RB1: variants seen among roughly 807,000 people sequenced by gnomAD.
RB1 encodes the protein retinoblastoma-associated protein.
A neutral mutation model predicts 135.4 loss-of-function variants in RB1; 18 were observed. The observed-to-expected ratio is 0.13, with a 90% CI of 0.09 to 0.20. The LOEUF (loss-of-function observed/expected upper bound fraction) is 0.20. Among genes scored for constraint, RB1 ranks in the 10% least tolerant of loss-of-function variants. RB1 has a pLI of 1.00. For missense variants in RB1, 868 were observed against 1,110.0 expected (o/e 0.78, Z 3.10); for synonymous variants, 365 against 373.2 (o/e 0.98, Z 0.25).
chr13:48,424,270 T>A (rs1391602431), intron 17 of RB1, among the ~76,000 whole-genome samples: 1 of 152,244 alleles, frequency 6.6e-6, no homozygotes, highest in East Asian at 1.9e-4. Flanking sequence ...ACCATAAGTC[T>A]ATCGGTATCA....
chr13:48,461,945 G>T (rs908244607), intron 20 of RB1, among the ~76,000 whole-genome samples: 3 of 152,046 alleles, frequency 2.0e-5, no homozygotes, highest in African/African-American at 7.2e-5. Flanking sequence ...CAATTCTTCT[G>T]CCTCAGCCTC....
intron 9 of RB1, among the ~76,000 whole-genome samples, chr13:48,366,743 G>T (rs1952703519): frequency 6.6e-6 from 1 of 152,190 alleles, no homozygotes; most frequent in Non-Finnish European, 1.5e-5. Context: ...GAACCAAAGG[G>T]TTTAGAAAAC....
At chr13:48,318,514 C>A in intron 2 of RB1, 2 of 1,015,568 alleles carry the variant, frequency 2.0e-6, no homozygotes, top group South Asian at 1.5e-5. Context: ...ATGCGAGTGT[C>A]GCCGGGCCCC....
At chr13:48,396,390 ATGGGGAAAGGAT>A (rs1198166456) in intron 17 of RB1, among the ~76,000 whole-genome samples, 1 of 152,186 alleles carries the variant, frequency 6.6e-6, no homozygotes, top group Non-Finnish European at 1.5e-5. Context: ...AAAACAACCA[ATGGGGAAAGGAT>A]TCCCTATTTA....
chr13:48,337,625 CT>C (rs1286754004), intron 2 of RB1, among the ~76,000 whole-genome samples: 1 of 152,136 alleles, frequency 6.6e-6, no homozygotes, highest in African/African-American at 2.4e-5. Flanking sequence ...GGTCTTGACT[CT>C]TTATCCAATT....
At chr13:48,447,067 A>T (rs1949293758) in intron 17 of RB1, among the ~76,000 whole-genome samples, 2 of 152,206 alleles carry the variant, frequency 1.3e-5, no homozygotes, top group South Asian at 4.1e-4. Flanking sequence ...TAATGAAAAG[A>T]AGTCAAACTT....
At chr13:48,364,360 C>G (rs1952672775) in intron 8 of RB1, among the ~76,000 whole-genome samples, 1 of 152,068 alleles carries the variant, frequency 6.6e-6, no homozygotes, top group Non-Finnish European at 1.5e-5. Context: ...GCTGCAGATG[C>G]CTGCTGTTTC....
chr13:48,343,488 C>A (rs1952465269), intron 3 of RB1, among the ~76,000 whole-genome samples: 1 of 151,992 alleles, frequency 6.6e-6, no homozygotes, highest in African/African-American at 2.4e-5. Context: ...AATGTGGAAA[C>A]AAAGGCCTTG....
At chr13:48,374,732 C>G (rs1952801187) in intron 12 of RB1, among the ~76,000 whole-genome samples, 1 of 152,140 alleles carries the variant, frequency 6.6e-6, no homozygotes, top group Admixed American at 6.5e-5. Flanking sequence ...TGAATACTTC[C>G]TCCAATATTT....
At chr13:48,396,423 T>C (rs1444582908) in intron 17 of RB1, among the ~76,000 whole-genome samples, 1 of 152,172 alleles carries the variant, frequency 6.6e-6, no homozygotes, top group Non-Finnish European at 1.5e-5. Context: ...ATAAATGATA[T>C]TGGGAAAACT....
rs569359102 is a variant in RB1, at chr13:48,347,010, G to A, written c.501-815G>A. ...GGACTCATTGGTAGGAGTGATTTGG[G>A]GTACAGTTCTGATTTTTTTTCCTGC... On this transcript the variant is annotated intron_variant, in intron 4 of 26. Transcript: ENST00000267163. Among the ~76,000 whole-genome samples the A allele has an allele frequency of 5.3e-5, 8 of 151,688 alleles. No individual in the cohort carries two copies. The South Asian group carries it at 1.7e-3, about 32-fold the overall frequency.
In RB1 at chr13:48,307,260, T is replaced by C. The variant is rs376775524; in HGVS notation, c.138-20T>C. 6.0e-5 allele frequency: 95 copies of C among 1,589,614 alleles called. No homozygotes were observed. Among genetic ancestry groups the C allele is most frequent in the Non-Finnish European group, 7.6e-5 (88 of 1,158,254 alleles). ...GATTTATAAGTATATGCCAATTATATGATTATTTTCATTTGGTAGGCTTGA... is the reference window on the plus strand; with the variant it reads ...GATTTATAAGTATATGCCAATTATACGATTATTTTCATTTGGTAGGCTTGA... On this transcript the variant is annotated intron_variant, in intron 1 of 26. Transcript: ENST00000267163.
intron 3 of RB1, among the ~76,000 whole-genome samples, chr13:48,344,052 A>G (rs552266301): frequency 1.3e-5 from 2 of 152,290 alleles, no homozygotes; most frequent in East Asian, 3.9e-4. Flanking sequence ...TGTTTCAGTT[A>G]GCTGCTTTGG....
At position 48,458,868 on chromosome 13, in the gene RB1, A is replaced by G. The variant is rs143575056; in HGVS notation, c.1961-820A>G. 6.3e-3 allele frequency among the ~76,000 whole-genome samples: 959 copies of G among 152,356 alleles called. 12 individuals carry two copies. Among genetic ancestry groups the G allele is most frequent in the African/African-American group, 0.022 (911 of 41,580 alleles). On this transcript the variant is annotated intron_variant, in intron 19 of 26. Coordinates refer to ENST00000267163, the MANE Select transcript of RB1 (RefSeq NM_000321.3). Reference sequence around the variant, plus strand: ...ATTACATATTGCAGTCATTTTACATATAGGTAATCTACAAGTTTACCATTT... The same window carrying G: ...ATTACATATTGCAGTCATTTTACATGTAGGTAATCTACAAGTTTACCATTT...
chr13:48,308,617 C>T (rs191157889), intron 2 of RB1, among the ~76,000 whole-genome samples: 187 of 151,594 alleles, frequency 1.2e-3, no homozygotes, highest in African/African-American at 4.3e-3. Context: ...CATGCCACTG[C>T]ACTCCAGACT....
chr13:48,447,679 T>A (rs1949298231), intron 17 of RB1, among the ~76,000 whole-genome samples: 1 of 152,162 alleles, frequency 6.6e-6, no homozygotes, highest in East Asian at 1.9e-4. Context: ...TAGCTACAGG[T>A]GGCCAGGATT....
intron 7 of RB1, 175 bp downstream of exon 7, chr13:48,360,302 T>A: frequency 7.3e-7 from 1 of 1,372,054 alleles, no homozygotes; most frequent in South Asian, 1.5e-5. Context: ...TGGAAACAAA[T>A]GATTAGAGTA....
rs1949539808 is a variant in RB1 at position 48,481,785 on chromosome 13, G to A, written c.*1714G>A. The A allele has an allele frequency of 4.4e-6, 1 of 227,738 alleles. No homozygotes were observed. Among genetic ancestry groups the A allele is most frequent in the East Asian group, 6.4e-5 (1 of 15,634 alleles). The allele number at this position is 227,738 out of a possible 1,614,324, so 14.1% of individuals were successfully genotyped here. On this transcript the variant is annotated 3_prime_UTR_variant, in exon 27 of 27. Transcript: ENST00000267163. ...ATGCTTCAGATATTATTGCTTTATT[G>A]CTTTTTTGTATTGGTTAAAACTGTA...
At position 48,453,076 on chromosome 13, in the gene RB1, T is replaced by A. The variant is rs2138327277; in HGVS notation, c.1779T>A (p.Asn593Lys). 6.2e-7 allele frequency: 1 copy of A among 1,613,166 alleles called. No individual in the cohort carries two copies. Among genetic ancestry groups the A allele is most frequent in the Non-Finnish European group, 8.5e-7 (1 of 1,179,682 alleles). The change falls in exon 18 of 27, where the codon AAT (asparagine) becomes AAA (lysine). Residue 593 changes from asparagine to lysine, a missense_variant. By Grantham distance (94) the Asn-to-Lys change is moderately conservative. Coordinates refer to ENST00000267163, the MANE Select transcript of RB1 (RefSeq NM_000321.3). The stretch of plus-strand genomic sequence containing the variant: ...ACCTTGAATCTGCTTGTCCTCTTAA[T>A]CTTCCTCTCCAGAATAATCACACTG... The part of the protein sequence containing the change: ...TDHLESACPL[N>K]LPLQNNHTAA...
Sources: gnomAD v4.1 joint callset for allele counts (sites outside exome capture counted in the v4.1 genomes callset) on GRCh38, gnomAD v4.1.1 for gene constraint, MANE v1.5 for transcripts, NCBI Gene and HGNC (gene_info 2026-07-23, HGNC 2026-07-21) for gene names.